The following CELF3 variants were observed in gnomAD, a reference collection of about 807,000 sequenced individuals.
CELF3 encodes the protein CUGBP Elav-like family member 3.
A neutral mutation model predicts 59.6 loss-of-function variants in CELF3; 26 were observed. The ratio of observed to expected loss-of-function variants is 0.44; its 90% CI spans 0.32 to 0.61. The LOEUF is 0.61. Among genes scored for constraint, CELF3 ranks in the 20% least tolerant of loss-of-function variants. The pLI, the probability that CELF3 is intolerant of heterozygous loss-of-function variation, is 0.06. For synonymous variants in CELF3, 245 were observed against 250.7 expected, an observed-to-expected ratio of 0.98 and a Z score of 0.22; for missense variants, 387 against 627.2, an observed-to-expected ratio of 0.62 and a Z score of 4.09.
At chr1:151,707,339 A>C (rs1672652228) in intron 7 of CELF3, 45 bp from the exon 8 acceptor site, 2 of 1,554,480 alleles carry the variant, frequency 1.3e-6, no homozygotes, top group Non-Finnish European at 1.7e-6. Flanking sequence ...GAGCAGACAC[A>C]CACACAGGCA....
intron 9 of CELF3, 72 bp downstream of exon 9, chr1:151,706,597 C>T (rs1672564459): frequency 6.9e-7 from 1 of 1,455,506 alleles, no homozygotes; most frequent in African/African-American, 1.4e-5. Flanking sequence ...GAAGCCCAGA[C>T]CCAGTTACTG....
intron 1 of CELF3, 24 bp from the exon 2 acceptor site, chr1:151,714,700 A>T: frequency 1.3e-6 from 2 of 1,517,616 alleles, no homozygotes; most frequent in Middle Eastern, 3.6e-4. Flanking sequence ...GGGGCAGAGA[A>T]ACACGGCGGG....
At position 151,713,239 on chromosome 1, in the gene CELF3, C is replaced by A. The variant is rs575186199; in HGVS notation, c.228+1355G>T. 3.1e-4 allele frequency among the ~76,000 whole-genome samples: 47 copies of A among 152,342 alleles called. No individual in the cohort carries two copies. In the South Asian group the frequency reaches 9.5e-3, roughly 31 times the overall value. On this transcript the variant is annotated intron_variant, in intron 2 of 12. Transcript: ENST00000290583. ...ACCAGGCGCCCTTCTTCCTCACCCC[C>A]ACCCTGGGCTGGACTTCCTCAAGAA...
chr1:151,705,174 G>GT lies in CELF3; in HGVS notation c.1271-7dup. ...ATTGTCGAAACTCACAAAGCCTGGG[G>GT]TGAGAGGGGCATAAGGCCCGGCCCA... On this transcript the variant is annotated splice_region_variant and splice_polypyrimidine_tract_variant and intron_variant, in intron 11 of 12. Coordinates refer to ENST00000290583, the MANE Select transcript of CELF3 (RefSeq NM_007185.7). The surrounding 1 kb of genome is among the most constrained non-coding windows in gnomAD (Gnocchi z 5.1). 1 of 1,611,436 alleles carries GT rather than the reference G, an allele frequency of 6.2e-7. No homozygotes were observed. The highest frequency in any genetic ancestry group is 8.5e-7 in the Non-Finnish European group (1 of 1,178,120).
chr1:151,707,343 A>AC, intron 7 of CELF3, 49 bp from the exon 8 acceptor site: 2 of 1,552,278 alleles, frequency 1.3e-6, no homozygotes, highest in Non-Finnish European at 1.7e-6. Flanking sequence ...AGACACACAC[A>AC]CAGGCAGAGA....
In CELF3 at chr1:151,716,074, AG is replaced by A. The variant is rs1673458823; in HGVS notation, c.-55del. 2.6e-6 allele frequency: 4 copies of A among 1,537,350 alleles called. No homozygotes were observed. Among genetic ancestry groups the A allele is most frequent in the East Asian group, 4.5e-5 (2 of 44,040 alleles). Reference sequence around the variant, plus strand: ...GGAGCAGGGAGAGGCCCAAAGGCCAAGGGGAGCTGCCCAGCAAGGAGATAAG... The same window carrying A: ...GGAGCAGGGAGAGGCCCAAAGGCCAAGGGAGCTGCCCAGCAAGGAGATAAG... On this transcript the variant is annotated 5_prime_UTR_variant, in exon 1 of 13. Transcript: ENST00000290583.
In CELF3 at chr1:151,703,056, A is replaced by AGTG; in HGVS notation, c.*400_*402dup. ...GAGGCTGGGGTGAGGGTGAGCTGGG[A>AGTG]GTGTGTGGCAGGCCCCTGCGGCTCT... On this transcript the variant is annotated 3_prime_UTR_variant, in exon 13 of 13. Coordinates refer to ENST00000290583, the MANE Select transcript of CELF3 (RefSeq NM_007185.7). 1 of 407,056 alleles carries AGTG rather than the reference A, an allele frequency of 2.5e-6. No homozygotes were observed. Among genetic ancestry groups the AGTG allele is most frequent in the Non-Finnish European group, 5.0e-6 (1 of 201,748 alleles). The allele number at this position is 407,056 out of a possible 1,614,324, so 25.2% of individuals were successfully genotyped here. A position where few individuals can be genotyped will look rare whatever the true frequency, so the allele number is the denominator to read the frequency against.
At chr1:151,708,180 A>G in intron 5 of CELF3, 1 of 463,098 alleles carries the variant, frequency 2.2e-6, no homozygotes, top group Non-Finnish European at 3.8e-6. Flanking sequence ...TGAAAAGCCT[A>G]CTGGAATGAA....
rs992544179 is a variant in CELF3 at position 151,716,036 on chromosome 1, G to A, written c.-16C>T. Reference sequence around the variant, plus strand: ...GCTCCTTCATTGAGGCGGCCCAGGAGGAGGGGCCGAGGGGAGCAGGGAGAG... The same window carrying A: ...GCTCCTTCATTGAGGCGGCCCAGGAAGAGGGGCCGAGGGGAGCAGGGAGAG... On this transcript the variant is annotated 5_prime_UTR_variant, in exon 1 of 13. Transcript: ENST00000290583. 5.6e-6 allele frequency: 9 copies of A among 1,604,782 alleles called. No individual in the cohort carries two copies. The highest frequency in any genetic ancestry group is 7.7e-6 in the Non-Finnish European group (9 of 1,174,876).
In CELF3 at chr1:151,716,441, T is replaced by C; in HGVS notation, c.-421A>G. The C allele has an allele frequency of 3.5e-6, 1 of 288,838 alleles. No individual in the cohort carries two copies. The highest frequency in any genetic ancestry group is 6.9e-6 in the Non-Finnish European group (1 of 145,584). The allele number at this position is 288,838 out of a possible 1,614,324, so 17.9% of individuals were successfully genotyped here. A position where few individuals can be genotyped will look rare whatever the true frequency, so the allele number is the denominator to read the frequency against. On this transcript the variant is annotated 5_prime_UTR_variant, in exon 1 of 13. Transcript: ENST00000290583. Reference sequence around the variant, plus strand: ...CTGAGGAGGGTGATGGGGAGGAGACTGAGGGGTTAAGGGGCCTGCTATGGT... The same window carrying C: ...CTGAGGAGGGTGATGGGGAGGAGACCGAGGGGTTAAGGGGCCTGCTATGGT...
At position 151,703,136 on chromosome 1, in the gene CELF3, G is replaced by T. The variant is rs759174571; in HGVS notation, c.*323C>A. On this transcript the variant is annotated 3_prime_UTR_variant, in exon 13 of 13. Transcript: ENST00000290583. ...ACTGTTGGGGGAGGCAAGTACAAAC[G>T]CTGGGTACAGAAGGCCTGTCACAGG... is the stretch of plus-strand genomic sequence containing the variant. 6.5e-6 allele frequency: 3 copies of T among 460,200 alleles called. No individual in the cohort carries two copies. The highest frequency in any genetic ancestry group is 6.9e-5 in the East Asian group (1 of 14,574). The allele number at this position is 460,200 out of a possible 1,614,324, so 28.5% of individuals were successfully genotyped here. A position where few individuals can be genotyped will look rare whatever the true frequency, so the allele number is the denominator to read the frequency against.
chr1:151,704,822 A>G (rs2460995), intron 12 of CELF3, among the ~76,000 whole-genome samples: 1 of 84,846 alleles, frequency 1.2e-5, no homozygotes, highest in Non-Finnish European at 2.3e-5. Context: ...TGTGTGTGTG[A>G]GAGAGAGAGA....
intron 2 of CELF3, chr1:151,710,038 A>T: frequency 1.9e-6 from 1 of 536,898 alleles, no homozygotes; most frequent in Non-Finnish European, 3.4e-6. Context: ...GCTCCTGATG[A>T]CTTGGCCAGG....
rs1672410780 is a variant in CELF3, at chr1:151,705,201, C to T, written c.1271-33G>A. 1.9e-6 allele frequency: 3 copies of T among 1,593,210 alleles called. No individual in the cohort carries two copies. Among genetic ancestry groups the T allele is most frequent in the South Asian group, 1.1e-5 (1 of 88,462 alleles). ...GAGAGGGGCATAAGGCCCGGCCCAG[C>T]CCCACCTCGCTCTTCCGTGCTTAGG... On this transcript the variant is annotated intron_variant, in intron 11 of 12. Coordinates refer to ENST00000290583, the MANE Select transcript of CELF3 (RefSeq NM_007185.7). This position sits in a 1 kb window ranked among gnomAD's most constrained non-coding sequence, Gnocchi z 5.1.
intron 5 of CELF3, 119 bp from the exon 6 acceptor site, chr1:151,708,054 G>T: frequency 1.7e-6 from 2 of 1,165,112 alleles, no homozygotes; most frequent in Non-Finnish European, 2.4e-6. Context: ...CTGAGAGGGC[G>T]GCCACCATTT....
Position 151,707,532 on chromosome 1 carries a change from G to A in CELF3, c.747C>T (p.Ile249=), listed in dbSNP as rs1249241139. The change falls in exon 7 of 13, where the codon ATC becomes ATT. Residue 249 remains isoleucine (I), a synonymous_variant. Transcript: ENST00000290583. ...CTGAGGATGGGGTGATGGGGGTGGC[G>A]ATGAGGCCATTGGCATTGATGGCAG... ...HMAAINANGL[I]ATPITPSSGT... is the part of the protein sequence containing the mutation. The A allele has an allele frequency of 4.3e-6, 7 of 1,610,456 alleles. No homozygotes were observed. The highest frequency in any genetic ancestry group is 2.2e-5 in the South Asian group (2 of 91,004).
At chr1:151,710,142 T>G in intron 2 of CELF3, 1 of 290,870 alleles carries the variant, frequency 3.4e-6, no homozygotes. Context: ...TTAATAAGAA[T>G]TGCCTCAATT....
Position 151,708,981 on chromosome 1 carries a change from A to G in CELF3, c.486+17T>C. 6.2e-7 allele frequency: 1 copy of G among 1,611,610 alleles called. No homozygotes were observed. The highest frequency in any genetic ancestry group is 1.1e-5 in the South Asian group (1 of 90,922). On this transcript the variant is annotated intron_variant, in intron 5 of 12. Transcript: ENST00000290583. ...GGGTGGGAAGGAGAGGCCCGGGGGCAGGGGAGTGGGGCTCACTGGCAGGGT... is the reference window on the plus strand; with the variant it reads ...GGGTGGGAAGGAGAGGCCCGGGGGCGGGGGAGTGGGGCTCACTGGCAGGGT...
intron 5 of CELF3, 35 bp from the exon 6 acceptor site, chr1:151,707,970 G>T (rs780268366): frequency 1.9e-6 from 3 of 1,580,014 alleles, no homozygotes; most frequent in Non-Finnish European, 2.6e-6. Flanking sequence ...CAGAGGTGCA[G>T]GGTCAGGGTC....
Sources: gnomAD v4.1 joint callset for allele counts (sites outside exome capture counted in the v4.1 genomes callset) on GRCh38, gnomAD v4.1.1 for gene constraint, Gnocchi (gnomAD v3.1) non-coding constraint, MANE v1.5 for transcripts, NCBI Gene and HGNC (gene_info 2026-07-23, HGNC 2026-07-21) for gene names.